Variants in FSCN1 observed in about 807,000 individuals in gnomAD.
FSCN1 encodes fascin actin-bundling protein 1, also known as fascin.
Under a neutral mutation model 39.7 loss-of-function variants are expected in FSCN1, and 10 were observed. The observed-to-expected ratio is 0.25, with a 90% CI of 0.16 to 0.43. The LOEUF (loss-of-function observed/expected upper bound fraction) is 0.43. FSCN1 is among the 20% of genes least tolerant of loss of function. The pLI is 1.00. For missense variants in FSCN1, 525 were observed against 723.8 expected (o/e 0.73, Z 3.15); for synonymous variants, 322 against 320.0 (o/e 1.01, Z -0.07).
rs1433946284 is a variant in FSCN1 at position 5,606,534 on chromosome 7, A to C, written c.*1060A>C. ...CCAGCCTCCCCCGTCCCCAACATGC[A>C]TCTCACTCTGGGTGTCTTGGTCTTT... is the stretch of plus-strand genomic sequence containing the variant. On this transcript the variant is annotated 3_prime_UTR_variant, in exon 5 of 5. Coordinates refer to ENST00000382361, the MANE Select transcript of FSCN1 (RefSeq NM_003088.4). This position sits in a 1 kb window ranked among gnomAD's most constrained non-coding sequence, Gnocchi z 5.1. 1 of 152,298 alleles carries C rather than the reference A, an allele frequency of 6.6e-6. No individual in the cohort carries two copies. The allele number at this position is 152,298 out of a possible 1,614,324, so 9.4% of individuals were successfully genotyped here.
chr7:5,595,238 G>A (rs915542732), intron 1 of FSCN1, among the ~76,000 whole-genome samples: 13 of 152,230 alleles, frequency 8.5e-5, no homozygotes, highest in African/African-American at 2.2e-4. Flanking sequence ...GGAGGCCTGG[G>A]TGGGGTAATG....
Position 5,592,961 on chromosome 7 carries a change from G to A in FSCN1, c.25G>A (p.Ala9Thr), listed in dbSNP as rs761417425. 6.4e-7 allele frequency: 1 copy of A among 1,570,558 alleles called. No individual in the cohort carries two copies. The highest frequency in any genetic ancestry group is 8.6e-7 in the Non-Finnish European group (1 of 1,157,740). MTANGTAEAVQIQFGLINC... is the reference protein window; with the variant it reads MTANGTAETVQIQFGLINC... ...CATGACCGCCAACGGCACAGCCGAG[G>A]CGGTGCAGATCCAGTTCGGCCTCAT... The change falls in exon 1 of 5, where the codon GCG becomes ACG. Residue 9 changes from alanine to threonine, a missense_variant. Around this residue, in one of 3 missense-constraint regions of FSCN1, gnomAD observed 246 missense variants for 350.6 expected, o/e 0.70. Coordinates refer to ENST00000382361, the MANE Select transcript of FSCN1 (RefSeq NM_003088.4). This position sits in a 1 kb window ranked among gnomAD's most constrained non-coding sequence, Gnocchi z 5.3.
rs1472964717 is a variant in FSCN1 at position 5,605,458 on chromosome 7, C to T, written c.1466C>T (p.Ser489Leu). The change falls in exon 5 of 5, where the codon TCG (serine) becomes TTG (leucine). Residue 489 changes from serine to leucine, a missense_variant. Ser to Leu is a moderately radical substitution (Grantham distance 145). Transcript: ENST00000382361. This position sits in a 1 kb window ranked among gnomAD's most constrained non-coding sequence, Gnocchi z 6.9. ...KASAETVDPA[S>L]LWEY ...TCGGCGGAAACCGTGGACCCCGCCT[C>T]GCTCTGGGAGTACTAGGGCCGGCCC... 4.4e-6 allele frequency: 7 copies of T among 1,584,530 alleles called. No homozygotes were observed. Among genetic ancestry groups the T allele is most frequent in the Non-Finnish European group, 6.0e-6 (7 of 1,165,364 alleles).
chr7:5,596,484 G>A (rs1785732677), intron 1 of FSCN1, among the ~76,000 whole-genome samples: 1 of 152,234 alleles, frequency 6.6e-6, no homozygotes. Flanking sequence ...TCAGCTGAGT[G>A]AGTGCTCCTT....
chr7:5,593,738 G>A lies in FSCN1; in HGVS notation c.802G>A (p.Ala268Thr). ...CTGCGCCCAGGTCGTGCTGCAGGCG[G>A]CCAACGAGAGGAACGTGTCCACGCG... ...QSCAQVVLQA[A>T]NERNVSTRQG... Residue 268 changes from alanine to threonine, a missense_variant, in exon 1 of 5, where the codon GCC (alanine) becomes ACC (threonine). By Grantham distance (58) the Ala-to-Thr change is moderately conservative (BLOSUM62 0). Coordinates refer to ENST00000382361, the MANE Select transcript of FSCN1 (RefSeq NM_003088.4). 8.8e-6 allele frequency: 14 copies of A among 1,589,146 alleles called. No homozygotes were observed. Among genetic ancestry groups the A allele is most frequent in the Non-Finnish European group, 1.2e-5 (14 of 1,174,598 alleles).
In FSCN1 at chr7:5,605,797, C is replaced by G; in HGVS notation, c.*323C>G. 1 of 264,146 alleles carries G rather than the reference C, an allele frequency of 3.8e-6. No homozygotes were observed. Among genetic ancestry groups the G allele is most frequent in the Non-Finnish European group, 7.2e-6 (1 of 138,122 alleles). The allele number at this position is 264,146 out of a possible 1,614,324, so 16.4% of individuals were successfully genotyped here. On this transcript the variant is annotated 3_prime_UTR_variant, in exon 5 of 5. Transcript: ENST00000382361. This position sits in a 1 kb window ranked among gnomAD's most constrained non-coding sequence, Gnocchi z 6.9. ...CCTCAGACGGCTCTGAGCCTTATTT[C>G]TCTGGAAGCGGCTAAGGGACGGTTG...
At position 5,592,874 on chromosome 7, in the gene FSCN1, C is replaced by T; in HGVS notation, c.-63C>T. On this transcript the variant is annotated 5_prime_UTR_variant, in exon 1 of 5. Transcript: ENST00000382361. The surrounding 1 kb of genome is among the most constrained non-coding windows in gnomAD (Gnocchi z 5.3). The stretch of plus-strand genomic sequence containing the variant: ...GCAGCCGAACAAAGGAGCAGGGGCG[C>T]CGCCGCAGGGACCCGCCACCCACCT... 3 of 1,039,846 alleles carry T rather than the reference C, an allele frequency of 2.9e-6. No individual in the cohort carries two copies. The highest frequency in any genetic ancestry group is 3.4e-5 in the South Asian group (2 of 59,322). 64.4% of individuals were successfully genotyped at this position (1,039,846 alleles called of 1,614,324 possible). A position where few individuals can be genotyped will look rare whatever the true frequency, so the allele number is the denominator to read the frequency against.
intron 1 of FSCN1, among the ~76,000 whole-genome samples, chr7:5,602,524 A>G (rs1455521126): frequency 6.6e-6 from 1 of 151,858 alleles, no homozygotes; most frequent in Non-Finnish European, 1.5e-5. Flanking sequence ...CAAATCCCTG[A>G]CATCAGGGCA....
Position 5,603,155 on chromosome 7 carries a change from T to TGC in FSCN1, c.833-101_833-100insCG, listed in dbSNP as rs1348321217. 2 of 1,350,628 alleles carry TGC rather than the reference T, an allele frequency of 1.5e-6. No individual in the cohort carries two copies. Among genetic ancestry groups the TGC allele is most frequent in the African/African-American group, 2.9e-5 (2 of 69,878 alleles). 83.7% of individuals were successfully genotyped at this position (1,350,628 alleles called of 1,614,324 possible). A position where few individuals can be genotyped will look rare whatever the true frequency, so the allele number is the denominator to read the frequency against. ...GGACTCGGCCGCCCACCCCACCCCG[T>TGC]GGTGTTACCTTGCGTGTGTAGTTCT... On this transcript the variant is annotated intron_variant, in intron 1 of 4. Transcript: ENST00000382361. This position sits in a 1 kb window ranked among gnomAD's most constrained non-coding sequence, Gnocchi z 8.5.
intron 1 of FSCN1, among the ~76,000 whole-genome samples, chr7:5,597,732 T>A (rs1584300019): frequency 7.1e-6 from 1 of 141,618 alleles, no homozygotes; most frequent in African/African-American, 2.6e-5. Context: ...ATTAAAATAA[T>A]TAAAAGAAAA....
chr7:5,599,982 C>T lies in FSCN1; in HGVS notation c.833-3275C>T, dbSNP rs144453374. 2.0e-5 allele frequency among the ~76,000 whole-genome samples: 3 copies of T among 152,314 alleles called. No individual in the cohort carries two copies. Among genetic ancestry groups the T allele is most frequent in the East Asian group, 1.9e-4 (1 of 5,180 alleles). ...AGGCACCCATACAGAGCCCGGCAGACGCCTCTGCTGCTGCAGTTCTTAGAA... is the reference window on the plus strand; with the variant it reads ...AGGCACCCATACAGAGCCCGGCAGATGCCTCTGCTGCTGCAGTTCTTAGAA... On this transcript the variant is annotated intron_variant, in intron 1 of 4. Coordinates refer to ENST00000382361, the MANE Select transcript of FSCN1 (RefSeq NM_003088.4). The surrounding 1 kb of genome is among the most constrained non-coding windows in gnomAD (Gnocchi z 5.6).
Position 5,593,753 on chromosome 7 carries a change from G to A in FSCN1, c.817G>A (p.Val273Met). Residue 273 changes from valine (V) to methionine (M), a missense_variant, in exon 1 of 5, where the codon GTG becomes ATG. By Grantham distance (21) the Val-to-Met change is conservative (BLOSUM62 1). Coordinates refer to ENST00000382361, the MANE Select transcript of FSCN1 (RefSeq NM_003088.4). ...GCTGCAGGCGGCCAACGAGAGGAAC[G>A]TGTCCACGCGCCAGGGTGAGTGGGG... ...VVLQAANERN[V>M]STRQGMDLSA... The A allele has an allele frequency of 3.8e-6, 6 of 1,582,088 alleles. No individual in the cohort carries two copies. The highest frequency in any genetic ancestry group is 5.1e-6 in the Non-Finnish European group (6 of 1,170,720).
intron 1 of FSCN1, among the ~76,000 whole-genome samples, chr7:5,597,702 C>T (rs1256698346): frequency 1.4e-5 from 2 of 143,240 alleles, no homozygotes; most frequent in Non-Finnish European, 3.1e-5. Context: ...ACAACCAAAA[C>T]AAACAAACAA....
intron 1 of FSCN1, among the ~76,000 whole-genome samples, chr7:5,601,490 G>A (rs971305373): frequency 8.6e-5 from 13 of 151,890 alleles, no homozygotes; most frequent in Non-Finnish European, 1.5e-4. Context: ...GGCGTGAGCC[G>A]CCGTGGCAAC....
rs1785919831 is a variant in FSCN1 at position 5,605,620 on chromosome 7, C to G, written c.*146C>G. Reference sequence around the variant, plus strand: ...GAAACCCCAGAGAAAACGGTGCCCCCACCTGTCGCCCCTATGGACTCCCCA... The same window carrying G: ...GAAACCCCAGAGAAAACGGTGCCCCGACCTGTCGCCCCTATGGACTCCCCA... On this transcript the variant is annotated 3_prime_UTR_variant, in exon 5 of 5. Coordinates refer to ENST00000382361, the MANE Select transcript of FSCN1 (RefSeq NM_003088.4). This position sits in a 1 kb window ranked among gnomAD's most constrained non-coding sequence, Gnocchi z 6.9. 2 of 641,016 alleles carry G rather than the reference C, an allele frequency of 3.1e-6. No individual in the cohort carries two copies. The highest frequency in any genetic ancestry group is 2.0e-5 in the South Asian group (1 of 51,186). The allele number at this position is 641,016 out of a possible 1,614,324, so 39.7% of individuals were successfully genotyped here. A position where few individuals can be genotyped will look rare whatever the true frequency, so the allele number is the denominator to read the frequency against.
intron 1 of FSCN1, among the ~76,000 whole-genome samples, chr7:5,600,755 G>A (rs941401216): frequency 2.6e-5 from 4 of 151,844 alleles, no homozygotes; most frequent in Admixed American, 6.5e-5. Context: ...CCGGGTTCAC[G>A]CCATTCTCCT....
intron 1 of FSCN1, among the ~76,000 whole-genome samples, chr7:5,600,059 C>T (rs1785798060): frequency 6.6e-6 from 1 of 152,218 alleles, no homozygotes; most frequent in Admixed American, 6.5e-5. Context: ...AAACATCCCA[C>T]CTCCAGGTTT....
chr7:5,596,214 G>A (rs866726173), intron 1 of FSCN1, among the ~76,000 whole-genome samples: 26 of 152,180 alleles, frequency 1.7e-4, no homozygotes, highest in Middle Eastern at 3.4e-3. Context: ...AGGGGGAGGC[G>A]TCTGCTTCCG....
At position 5,603,401 on chromosome 7, in the gene FSCN1, C is replaced by A; in HGVS notation, c.977C>A (p.Thr326Asn). The change falls in exon 2 of 5, where the codon ACC becomes AAC. Residue 326 changes from threonine (T) to asparagine (N), a missense_variant. Transcript: ENST00000382361. The surrounding 1 kb of genome is among the most constrained non-coding windows in gnomAD (Gnocchi z 8.5). ...TLTATGGVQS[T>N]ASSKNASCYF... Reference sequence around the variant, plus strand: ...ACGGCCACCGGGGGCGTGCAGTCCACCGCCTCCAGCAAGTGAGTGCCTCGC... The same window carrying A: ...ACGGCCACCGGGGGCGTGCAGTCCAACGCCTCCAGCAAGTGAGTGCCTCGC... The A allele has an allele frequency of 6.2e-7, 1 of 1,613,740 alleles. No individual in the cohort carries two copies. The highest frequency in any genetic ancestry group is 8.5e-7 in the Non-Finnish European group (1 of 1,180,016).
Sources: allele counts gnomAD v4.1 joint callset (sites outside exome capture counted in the v4.1 genomes callset), GRCh38; gene constraint gnomAD v4.1.1; regional missense constraint gnomAD v4.1.1; non-coding constraint Gnocchi (gnomAD v3.1); transcripts MANE v1.5; gene names NCBI Gene and HGNC (gene_info 2026-07-23, HGNC 2026-07-21).